Variants in LMOD2 observed in about 807,000 individuals in gnomAD.
LMOD2 encodes the protein leiomodin 2.
A neutral mutation model predicts 41.7 loss-of-function variants in LMOD2; 27 were observed. That is an observed-to-expected ratio of 0.65 (90% CI 0.48 to 0.89). The LOEUF (loss-of-function observed/expected upper bound fraction) is 0.89. LMOD2 is among the 40% of genes least tolerant of loss of function. LMOD2 has a pLI of 0.00. For synonymous variants in LMOD2, 251 were observed against 244.6 expected, an observed-to-expected ratio of 1.03 and a Z score of -0.25; for missense variants, 624 against 667.9, an observed-to-expected ratio of 0.93 and a Z score of 0.72.
Position 123,662,691 on chromosome 7 carries a change from T to C in LMOD2, c.1105T>C (p.Tyr369His). The change falls in exon 2 of 3, where the codon TAC becomes CAC. Residue 369 changes from tyrosine to histidine, a missense_variant. Coordinates refer to ENST00000458573, the MANE Select transcript of LMOD2 (RefSeq NM_207163.3). The surrounding 1 kb of genome is among the most constrained non-coding windows in gnomAD (Gnocchi z 4.0). The part of the protein sequence containing the change: ...RLQEQKQQEG[Y>H]DGGPNLRTKV... ...GCAGGAGCAAAAACAGCAGGAGGGA[T>C]ACGATGGAGGACCCAATCTTAGGAC... 6.2e-7 allele frequency: 1 copy of C among 1,613,958 alleles called. No individual in the cohort carries two copies. Among genetic ancestry groups the C allele is most frequent in the South Asian group, 1.1e-5 (1 of 91,078 alleles).
Position 123,663,422 on chromosome 7 carries a change from A to G in LMOD2, c.1617+219A>G, listed in dbSNP as rs903905802. 3 of 643,802 alleles carry G rather than the reference A, an allele frequency of 4.7e-6. No homozygotes were observed. The African/African-American group carries it at 5.5e-5, about 12-fold the overall frequency. 39.9% of individuals were successfully genotyped at this position (643,802 alleles called of 1,614,324 possible). On this transcript the variant is annotated intron_variant, in intron 2 of 2. Coordinates refer to ENST00000458573, the MANE Select transcript of LMOD2 (RefSeq NM_207163.3). ...GCCTGGGCCGCTTTCCCAGCCTCTC[A>G]ATCATATAAGGGCAAGGACCATTTT...
Position 123,662,058 on chromosome 7 carries a change from T to C in LMOD2, c.472T>C (p.Ser158Pro). ...NGTVNYDSVNSDNSKPKIFKS... is the reference protein window; with the variant it reads ...NGTVNYDSVNPDNSKPKIFKS... ...AACTGTAAATTATGATAGTGTCAATTCTGACAACTCTAAGCCAAAGATATT... is the reference window on the plus strand; with the variant it reads ...AACTGTAAATTATGATAGTGTCAATCCTGACAACTCTAAGCCAAAGATATT... Residue 158 changes from serine (S) to proline (P), a missense_variant, in exon 2 of 3, where the codon TCT becomes CCT. Transcript: ENST00000458573. The surrounding 1 kb of genome is among the most constrained non-coding windows in gnomAD (Gnocchi z 4.0). The C allele has an allele frequency of 6.3e-7, 1 of 1,599,370 alleles. No homozygotes were observed.
chr7:123,662,677 A>G lies in LMOD2; in HGVS notation c.1091A>G (p.Lys364Arg). 6.2e-7 allele frequency: 1 copy of G among 1,614,032 alleles called. No homozygotes were observed. The highest frequency in any genetic ancestry group is 8.5e-7 in the Non-Finnish European group (1 of 1,179,900). Residue 364 changes from lysine to arginine, a missense_variant, in exon 2 of 3, where the codon AAA (lysine) becomes AGA (arginine). Lys to Arg is a conservative substitution (Grantham distance 26, BLOSUM62 2). Coordinates refer to ENST00000458573, the MANE Select transcript of LMOD2 (RefSeq NM_207163.3). This position sits in a 1 kb window ranked among gnomAD's most constrained non-coding sequence, Gnocchi z 4.0. ...KQRQKRLQEQ[K>R]QQEGYDGGPN... ...AGGCAAAAACGTTTGCAGGAGCAAA[A>G]ACAGCAGGAGGGATACGATGGAGGA...
rs375982963 is a variant in LMOD2 at position 123,662,568 on chromosome 7, C to A, written c.982C>A (p.Leu328Met). Residue 328 changes from leucine (L) to methionine (M), a missense_variant, in exon 2 of 3, where the codon CTG (leucine) becomes ATG (methionine). By Grantham distance (15) the Leu-to-Met change is conservative. Coordinates refer to ENST00000458573, the MANE Select transcript of LMOD2 (RefSeq NM_207163.3). This position sits in a 1 kb window ranked among gnomAD's most constrained non-coding sequence, Gnocchi z 4.0. The part of the protein sequence containing the change: ...IVKLLKENTT[L>M]LRLGYHFELP... Reference sequence around the variant, plus strand: ...CAAGCTGCTGAAGGAGAACACGACGCTGCTGAGGCTGGGATACCATTTTGA... The same window carrying A: ...CAAGCTGCTGAAGGAGAACACGACGATGCTGAGGCTGGGATACCATTTTGA... 18 of 1,613,842 alleles carry A rather than the reference C, an allele frequency of 1.1e-5. No homozygotes were observed. The highest frequency in any genetic ancestry group is 1.4e-5 in the Non-Finnish European group (17 of 1,179,894).
rs763424378 is a variant in LMOD2 at position 123,662,761 on chromosome 7, C to G, written c.1175C>G (p.Ser392Cys). ...ACACCTAGCTCTTCACCTTATGTAT[C>G]TCCCAGGCACTCACCCTGGTCATCC... ...RGTPSSSPYV[S>C]PRHSPWSSPK... The change falls in exon 2 of 3, where the codon TCT becomes TGT. Residue 392 changes from serine (S) to cysteine (C), a missense_variant. Transcript: ENST00000458573. The surrounding 1 kb of genome is among the most constrained non-coding windows in gnomAD (Gnocchi z 4.0). 3.5e-5 allele frequency: 56 copies of G among 1,613,856 alleles called. No homozygotes were observed. Among genetic ancestry groups the G allele is most frequent in the Non-Finnish European group, 4.6e-5 (54 of 1,179,902 alleles).
Position 123,662,819 on chromosome 7 carries a change from G to C in LMOD2, c.1233G>C (p.Arg411Ser), listed in dbSNP as rs1187601511. ...PKLPKKVQTV[R>S]SRPLSPVATP... ...TCCCCAAAAAAGTCCAGACTGTGAGGAGCCGTCCTCTGTCTCCTGTGGCCA... is the reference window on the plus strand; with the variant it reads ...TCCCCAAAAAAGTCCAGACTGTGAGCAGCCGTCCTCTGTCTCCTGTGGCCA... Residue 411 changes from arginine to serine, a missense_variant, in exon 2 of 3, where the codon AGG becomes AGC. Arg to Ser is a moderately radical substitution (Grantham distance 110). Transcript: ENST00000458573. The surrounding 1 kb of genome is among the most constrained non-coding windows in gnomAD (Gnocchi z 4.0). 6.2e-7 allele frequency: 1 copy of C among 1,612,886 alleles called. No homozygotes were observed. Among genetic ancestry groups the C allele is most frequent in the Admixed American group, 1.7e-5 (1 of 59,914 alleles).
chr7:123,658,555 C>T (rs906281668), intron 1 of LMOD2, among the ~76,000 whole-genome samples: 4 of 152,212 alleles, frequency 2.6e-5, no homozygotes, highest in African/African-American at 4.8e-5. Context: ...AAACTTATGC[C>T]GCATTGGGGC....
At position 123,663,944 on chromosome 7, in the gene LMOD2, T is replaced by G; in HGVS notation, c.*199T>G. The G allele has an allele frequency of 1.8e-6, 1 of 566,154 alleles. No individual in the cohort carries two copies. The highest frequency in any genetic ancestry group is 2.6e-5 in the South Asian group (1 of 39,192). The allele number at this position is 566,154 out of a possible 1,614,324, so 35.1% of individuals were successfully genotyped here. A position where few individuals can be genotyped will look rare whatever the true frequency, so the allele number is the denominator to read the frequency against. ...AATATGAAAATAAATTTCTTTTTTATGTCGTGAGATTTGTATTGGCAAGAA... is the reference window on the plus strand; with the variant it reads ...AATATGAAAATAAATTTCTTTTTTAGGTCGTGAGATTTGTATTGGCAAGAA... On this transcript the variant is annotated 3_prime_UTR_variant, in exon 3 of 3. Coordinates refer to ENST00000458573, the MANE Select transcript of LMOD2 (RefSeq NM_207163.3).
chr7:123,663,010 A>C lies in LMOD2; in HGVS notation c.1424A>C (p.Asn475Thr). Reference sequence around the variant, plus strand: ...GAGAGTGCCCAACGGGCATTACAAAATGGACAAAAAAAGAAAAAAGGGAAA... The same window carrying C: ...GAGAGTGCCCAACGGGCATTACAAACTGGACAAAAAAAGAAAAAAGGGAAA... ...QQESAQRALQ[N>T]GQKKKKGKKV... Residue 475 changes from asparagine to threonine, a missense_variant, in exon 2 of 3, where the codon AAT (asparagine) becomes ACT (threonine). Physicochemically the swap from Asn to Thr is moderately conservative, Grantham distance 65. Transcript: ENST00000458573. 6.4e-7 allele frequency: 1 copy of C among 1,552,040 alleles called. No homozygotes were observed. Among genetic ancestry groups the C allele is most frequent in the Non-Finnish European group, 8.7e-7 (1 of 1,147,624 alleles).
chr7:123,662,808 C>T lies in LMOD2; in HGVS notation c.1222C>T (p.Gln408Ter), dbSNP rs1314657421. The T allele has an allele frequency of 1.2e-6, 2 of 1,613,532 alleles. No individual in the cohort carries two copies. Among genetic ancestry groups the T allele is most frequent in the Non-Finnish European group, 1.7e-6 (2 of 1,179,816 alleles). Residue 408 changes from glutamine to a stop codon, truncating the protein, a stop_gained, in exon 2 of 3, where the codon CAG becomes TAG. Transcript: ENST00000458573. LOFTEE classifies it high-confidence loss of function. The surrounding 1 kb of genome is among the most constrained non-coding windows in gnomAD (Gnocchi z 4.0). Reference sequence around the variant, plus strand: ...ATCCCCAAAACTCCCCAAAAAAGTCCAGACTGTGAGGAGCCGTCCTCTGTC... The same window carrying T: ...ATCCCCAAAACTCCCCAAAAAAGTCTAGACTGTGAGGAGCCGTCCTCTGTC... ...WSSPKLPKKV[Q>*]TVRSRPLSPV...
chr7:123,660,315 T>C (rs1344731525), intron 1 of LMOD2, among the ~76,000 whole-genome samples: 2 of 140,776 alleles, frequency 1.4e-5, no homozygotes, highest in East Asian at 2.1e-4. Context: ...TCCCTCTCTC[T>C]CTCTCTCTCA....
In LMOD2 at chr7:123,663,082, C is replaced by A. The variant is rs375211570; in HGVS notation, c.1496C>A (p.Ser499Tyr). The part of the protein sequence containing the change: ...PNSILKEIKN[S>Y]LRSVQEKKME... ...AGTATTCTAAAGGAAATAAAAAATT[C>A]TCTGAGGTCAGTGCAAGAGAAGAAA... Residue 499 changes from serine to tyrosine, a missense_variant, in exon 2 of 3, where the codon TCT becomes TAT. Physicochemically the swap from Ser to Tyr is moderately radical, Grantham distance 144. Transcript: ENST00000458573. 120 of 1,559,540 alleles carry A rather than the reference C, an allele frequency of 7.7e-5. No homozygotes were observed. The highest frequency in any genetic ancestry group is 1.7e-4 in the Middle Eastern group (1 of 6,030).
chr7:123,657,811 CAAAAAAAAA>C (rs1009900124), intron 1 of LMOD2, among the ~76,000 whole-genome samples: 11 of 36,014 alleles, frequency 3.1e-4, no homozygotes, highest in Admixed American at 2.2e-3. Context: ...CTCATCTCTA[CAAAAAAAAA>C]AAAAAAAAAA....
Position 123,657,744 on chromosome 7 carries a change from G to A in LMOD2, c.273+1508G>A, listed in dbSNP as rs186267023. On this transcript the variant is annotated intron_variant, in intron 1 of 2. Coordinates refer to ENST00000458573, the MANE Select transcript of LMOD2 (RefSeq NM_207163.3). ...TCCCACACTTTTTTGGGAGGCTGAG[G>A]CAGGAGAATCACTTGAGCCTAGGAG... Among the ~76,000 whole-genome samples the A allele has an allele frequency of 3.3e-4, 49 of 148,286 alleles. No individual in the cohort carries two copies. In the East Asian group the frequency reaches 7.9e-3, roughly 24 times the overall value.
At chr7:123,657,710 G>A (rs534687003) in intron 1 of LMOD2, among the ~76,000 whole-genome samples, 104 of 148,062 alleles carry the variant, frequency 7.0e-4, no homozygotes, top group African/African-American at 2.4e-3. Flanking sequence ...GCTGGCTCAC[G>A]CCTATAATTC....
In LMOD2 at chr7:123,663,057, A is replaced by G. The variant is rs1203362049; in HGVS notation, c.1471A>G (p.Ser491Gly). Residue 491 changes from serine (S) to glycine (G), a missense_variant, in exon 2 of 3, where the codon AGT (serine) becomes GGT (glycine). By Grantham distance (56) the Ser-to-Gly change is moderately conservative. Coordinates refer to ENST00000458573, the MANE Select transcript of LMOD2 (RefSeq NM_207163.3). Reference protein sequence around the residue: ...KGKKVKKQPNSILKEIKNSLR... With the variant: ...KGKKVKKQPNGILKEIKNSLR... ...GAAAAAGGTCAAGAAACAGCCAAAC[A>G]GTATTCTAAAGGAAATAAAAAATTC... 7 of 1,556,584 alleles carry G rather than the reference A, an allele frequency of 4.5e-6. No individual in the cohort carries two copies. The South Asian group carries it at 8.3e-5, about 19-fold the overall frequency.
chr7:123,662,411 C>G lies in LMOD2; in HGVS notation c.825C>G (p.Val275=). 1 of 1,613,980 alleles carries G rather than the reference C, an allele frequency of 6.2e-7. No homozygotes were observed. Among genetic ancestry groups the G allele is most frequent in the Non-Finnish European group, 8.5e-7 (1 of 1,179,900 alleles). The stretch of plus-strand genomic sequence containing the variant: ...ATGAGCACATCACCAACGTAAACGT[C>G]GAGTCCAACTTCATAACGGGAAAGG... The part of the protein sequence containing the change: ...KVNEHITNVN[V]ESNFITGKGI... The change falls in exon 2 of 3, where the codon GTC becomes GTG. Residue 275 remains valine (V), a synonymous_variant. Coordinates refer to ENST00000458573, the MANE Select transcript of LMOD2 (RefSeq NM_207163.3). The surrounding 1 kb of genome is among the most constrained non-coding windows in gnomAD (Gnocchi z 4.0).
intron 1 of LMOD2, among the ~76,000 whole-genome samples, chr7:123,658,598 T>G (rs1017141155): frequency 1.3e-5 from 2 of 152,150 alleles, no homozygotes. Flanking sequence ...ATGGTCTAGC[T>G]CCCCTATTGA....
rs778429516 is a variant in LMOD2, at chr7:123,662,661, C to T, written c.1075C>T (p.Arg359Cys). 1 of 1,613,986 alleles carries T rather than the reference C, an allele frequency of 6.2e-7. No individual in the cohort carries two copies. Among genetic ancestry groups the T allele is most frequent in the South Asian group, 1.1e-5 (1 of 91,086 alleles). ...TRNMDKQRQK[R>C]LQEQKQQEGY... is the part of the protein sequence containing the mutation. ...AAATATGGATAAACAGAGGCAAAAA[C>T]GTTTGCAGGAGCAAAAACAGCAGGA... Residue 359 changes from arginine (R) to cysteine (C), a missense_variant, in exon 2 of 3, where the codon CGT becomes TGT. Physicochemically the swap from Arg to Cys is radical, Grantham distance 180. Coordinates refer to ENST00000458573, the MANE Select transcript of LMOD2 (RefSeq NM_207163.3). This position sits in a 1 kb window ranked among gnomAD's most constrained non-coding sequence, Gnocchi z 4.0.
Sources: gnomAD v4.1 joint callset for allele counts (sites outside exome capture counted in the v4.1 genomes callset) on GRCh38, gnomAD v4.1.1 for gene constraint, Gnocchi (gnomAD v3.1) non-coding constraint, MANE v1.5 for transcripts, NCBI Gene and HGNC (gene_info 2026-07-23, HGNC 2026-07-21) for gene names.